The following DLGAP2 variants were observed in gnomAD, a reference collection of about 807,000 sequenced individuals.
The protein encoded by DLGAP2 is disks large-associated protein 2.
DLGAP2 carries 26 observed loss-of-function variants against 100.3 expected under a neutral mutation model. The observed-to-expected ratio is 0.26, with a 90% CI of 0.19 to 0.36. The LOEUF (loss-of-function observed/expected upper bound fraction) is 0.36, where lower values mean the gene tolerates loss of function less well. Ranked by LOEUF, DLGAP2 falls within the 10% of genes least tolerant of loss-of-function variation. The probability of loss-of-function intolerance (pLI) is 1.00; values close to 1 mark genes in which losing one functional copy is unlikely to be tolerated. For missense variants in DLGAP2, 1,858 were observed against 1,453.2 expected (o/e 1.28, Z -4.53); for synonymous variants, 886 against 630.1 (o/e 1.41, Z -6.08).
chr8:1,039,791 T>G (rs1420799452), intron 2 of DLGAP2, among the ~76,000 whole-genome samples: 12 of 113,586 alleles, frequency 1.1e-4, no homozygotes, highest in South Asian at 6.3e-4. Context: ...GGTATGCATG[T>G]TCAGCTCGGT....
intron 3 of DLGAP2, among the ~76,000 whole-genome samples, chr8:1,408,301 C>T (rs1029804338): frequency 1.3e-5 from 2 of 152,242 alleles, no homozygotes; most frequent in East Asian, 1.9e-4. Context: ...GGGTCTGTTT[C>T]CTCACTCTCC....
intron 2 of DLGAP2, among the ~76,000 whole-genome samples, chr8:966,668 A>G (rs973480687): frequency 6.6e-6 from 1 of 151,946 alleles, no homozygotes; most frequent in Non-Finnish European, 1.5e-5. Context: ...GTTATCTTTT[A>G]TCCTCTTTCA....
At chr8:780,036 A>AT (rs1304025156) in intron 1 of DLGAP2, among the ~76,000 whole-genome samples, 2 of 152,134 alleles carry the variant, frequency 1.3e-5, no homozygotes, top group Non-Finnish European at 2.9e-5. Context: ...TATTCTAGAG[A>AT]TTTTGAAATG....
At chr8:1,213,454 A>T (rs1425089891) in intron 2 of DLGAP2, among the ~76,000 whole-genome samples, 1 of 152,160 alleles carries the variant, frequency 6.6e-6, no homozygotes, top group Non-Finnish European at 1.5e-5. Flanking sequence ...TAATGTCCTT[A>T]ATGTCCCAGA....
rs987234347 is a variant in DLGAP2, at chr8:1,195,745, A to G, written c.74-63106A>G. Reference sequence around the variant, plus strand: ...CGTTTGTTTAATTTTAGTTACACAGATAATCGCATCACCATCGTTGCTCAC... The same window carrying G: ...CGTTTGTTTAATTTTAGTTACACAGGTAATCGCATCACCATCGTTGCTCAC... On this transcript the variant is annotated intron_variant, in intron 2 of 14. Coordinates refer to ENST00000637795, the MANE Select transcript of DLGAP2 (RefSeq NM_001346810.2). Among the ~76,000 whole-genome samples, 7 of 152,334 alleles carry G rather than the reference A, an allele frequency of 4.6e-5. No homozygotes were observed. The East Asian group carries it at 1.4e-3, about 29-fold the overall frequency.
intron 2 of DLGAP2, among the ~76,000 whole-genome samples, chr8:1,172,494 T>C (rs903142118): frequency 1.5e-4 from 23 of 152,336 alleles, no homozygotes; most frequent in African/African-American, 4.6e-4. Context: ...AACTTGGTTC[T>C]GTTCTCCCTG....
chr8:1,315,897 T>C lies in DLGAP2; in HGVS notation c.106+57014T>C, dbSNP rs376605079. On this transcript the variant is annotated intron_variant, in intron 3 of 14. Transcript: ENST00000637795. The stretch of plus-strand genomic sequence containing the variant: ...AACGGTGGTCTACACTCGAGAAACT[T>C]GGCAGCTTTTAAAAATAGAGCGTGT... Among the ~76,000 whole-genome samples the C allele has an allele frequency of 6.6e-3, 508 of 77,164 alleles. 2 individuals are homozygous for C. Among genetic ancestry groups the C allele is most frequent in the Middle Eastern group, 0.01 (1 of 96 alleles). 50.6% of individuals were successfully genotyped at this position (77,164 alleles called of 152,430 possible).
At chr8:1,407,909 GACTGAGT>G (rs1796615514) in intron 3 of DLGAP2, among the ~76,000 whole-genome samples, 1 of 151,586 alleles carries the variant, frequency 6.6e-6, no homozygotes, top group Non-Finnish European at 1.5e-5. Flanking sequence ...ATTGAGTGCT[GACTGAGT>G]ACCGCAGGGT....
chr8:1,483,649 G>C (rs1384134459), intron 3 of DLGAP2, among the ~76,000 whole-genome samples: 2 of 29,112 alleles, frequency 6.9e-5, no homozygotes, highest in African/African-American at 1.5e-4. Flanking sequence ...CAGGACCTGA[G>C]GGCGTCTACA....
chr8:1,148,122 A>G (rs62487483), intron 2 of DLGAP2, among the ~76,000 whole-genome samples: 2,570 of 152,290 alleles, frequency 0.017, 42 homozygotes, highest in Non-Finnish European at 0.026. Flanking sequence ...AGGTATAATT[A>G]CAGATTTGAT....
rs73534645 is a variant in DLGAP2 at position 1,457,064 on chromosome 8, T to C, written c.107-44302T>C. Among the ~76,000 whole-genome samples, 1,209 of 152,334 alleles carry C rather than the reference T, an allele frequency of 7.9e-3. 18 individuals are homozygous for C. The highest frequency in any genetic ancestry group is 0.027 in the African/African-American group (1,142 of 41,572). On this transcript the variant is annotated intron_variant, in intron 3 of 14. Transcript: ENST00000637795. Reference sequence around the variant, plus strand: ...GGGCTTCATTTCAATGTGGTCATCTTTGTTCCCTCCGTGCCCCTAGTGATT... The same window carrying C: ...GGGCTTCATTTCAATGTGGTCATCTCTGTTCCCTCCGTGCCCCTAGTGATT...
chr8:1,224,724 GA>G (rs1798380746), intron 2 of DLGAP2, among the ~76,000 whole-genome samples: 1 of 152,142 alleles, frequency 6.6e-6, no homozygotes, highest in Non-Finnish European at 1.5e-5. Flanking sequence ...AATAGTTGAA[GA>G]ACTGTTAAAA....
intron 3 of DLGAP2, among the ~76,000 whole-genome samples, chr8:1,286,904 G>A (rs1287306642): frequency 1.3e-5 from 2 of 152,226 alleles, no homozygotes; most frequent in Admixed American, 6.5e-5. Flanking sequence ...GAATGAGAAC[G>A]TTAAATACAA....
chr8:1,167,977 C>G (rs1797052487), intron 2 of DLGAP2, among the ~76,000 whole-genome samples: 2 of 151,488 alleles, frequency 1.3e-5, no homozygotes, highest in Admixed American at 1.3e-4. Flanking sequence ...GTGTGCTGCA[C>G]CCATTAACTC....
intron 2 of DLGAP2, among the ~76,000 whole-genome samples, chr8:980,257 A>T (rs998366214): frequency 5.9e-5 from 9 of 152,200 alleles, no homozygotes; most frequent in African/African-American, 2.2e-4. Flanking sequence ...GGAAATATCC[A>T]TAGAAGGTGC....
intron 3 of DLGAP2, among the ~76,000 whole-genome samples, chr8:1,359,458 C>T (rs956416215): frequency 3.9e-5 from 6 of 152,214 alleles, no homozygotes; most frequent in Non-Finnish European, 8.8e-5. Context: ...GGAACGTGGG[C>T]GTGGGGACAC....
intron 8 of DLGAP2, among the ~76,000 whole-genome samples, chr8:1,665,811 A>G (rs1798529558): frequency 1.3e-5 from 2 of 152,244 alleles, no homozygotes; most frequent in South Asian, 4.1e-4. Flanking sequence ...TGTTTTCTGT[A>G]AATGACCCAT....
chr8:814,866 A>G (rs960488395), intron 1 of DLGAP2, among the ~76,000 whole-genome samples: 1 of 151,212 alleles, frequency 6.6e-6, no homozygotes, highest in South Asian at 2.1e-4. Context: ...AAAAAAAAAA[A>G]AAAAAAAGAA....
intron 3 of DLGAP2, among the ~76,000 whole-genome samples, chr8:1,277,157 C>G (rs56346834): frequency 0.17 from 25,382 of 152,106 alleles, 2,639 homozygotes; most frequent in South Asian, 0.25. Context: ...ATCTAGAAAT[C>G]TCAGAAATAT....
Sources: allele counts gnomAD v4.1 joint callset (sites outside exome capture counted in the v4.1 genomes callset), GRCh38; gene constraint gnomAD v4.1.1; transcripts MANE v1.5; gene names NCBI Gene and HGNC (gene_info 2026-07-23, HGNC 2026-07-21).